The following CAPN15 variants were observed in gnomAD, a reference collection of about 807,000 sequenced individuals.
CAPN15 encodes calpain-15.
A neutral mutation model predicts 97.9 loss-of-function variants in CAPN15; 53 were observed. The ratio of observed to expected loss-of-function variants is 0.54; its 90% CI spans 0.43 to 0.68. The LOEUF (loss-of-function observed/expected upper bound fraction) is 0.68, where lower values mean the gene tolerates loss of function less well. CAPN15 is among the 30% of genes least tolerant of loss of function. The pLI, the probability that CAPN15 is intolerant of heterozygous loss-of-function variation, is 0.00. For synonymous variants in CAPN15, 922 were observed against 722.5 expected (o/e 1.28, Z -4.43); for missense variants, 1,592 against 1,589.8 (o/e 1.00, Z -0.02).
intron 3 of CAPN15, among the ~76,000 whole-genome samples, chr16:543,764 C>G (rs996419858): frequency 6.6e-6 from 1 of 152,206 alleles, no homozygotes; most frequent in Non-Finnish European, 1.5e-5. Flanking sequence ...CGACCCCTGC[C>G]GTGCTCCGAC....
intron 3 of CAPN15, among the ~76,000 whole-genome samples, chr16:545,758 C>T (rs539076103): frequency 1.2e-4 from 18 of 152,352 alleles, no homozygotes; most frequent in African/African-American, 3.6e-4. Context: ...CCTGCACCTG[C>T]GGTCAGCGGG....
chr16:533,911 A>G, intron 1 of CAPN15, 35 bp from the exon 2 acceptor site: 1 of 978,088 alleles, frequency 1.0e-6, no homozygotes, highest in Non-Finnish European at 1.2e-6. Flanking sequence ...TCCTGGTGGA[A>G]GCTGAGGTGC....
At chr16:542,567 CCTGT>C (rs1372434668) in intron 3 of CAPN15, among the ~76,000 whole-genome samples, 1 of 152,112 alleles carries the variant, frequency 6.6e-6, no homozygotes, top group African/African-American at 2.4e-5. Context: ...TCCACCCGTG[CCTGT>C]CTTTTTTTCA....
chr16:534,191 T>A (rs2033498343), intron 2 of CAPN15, among the ~76,000 whole-genome samples, 193 bp downstream of exon 2: 1 of 152,278 alleles, frequency 6.6e-6, no homozygotes, highest in Non-Finnish European at 1.5e-5. Flanking sequence ...GCCGTGGTCC[T>A]GTCGTGGGAG....
Position 547,412 on chromosome 16 carries a change from G to T in CAPN15, c.574G>T (p.Gly192Cys). 1 of 1,571,742 alleles carries T rather than the reference G, an allele frequency of 6.4e-7. No homozygotes were observed. The highest frequency in any genetic ancestry group is 8.6e-7 in the Non-Finnish European group (1 of 1,166,446). ...LVVPEVVAPA[G>C]FHVVPAAPPP... ...GGTCCCGGAAGTGGTGGCCCCGGCC[G>T]GCTTCCACGTCGTGCCTGCCGCGCC... The change falls in exon 4 of 14, where the codon GGC becomes TGC. Residue 192 changes from glycine (G) to cysteine (C), a missense_variant. Coordinates refer to ENST00000219611, the MANE Select transcript of CAPN15 (RefSeq NM_005632.3).
rs76104912 is a variant in CAPN15, at chr16:530,856, A to G, written c.-190+2827A>G. Among the ~76,000 whole-genome samples the G allele has an allele frequency of 2.6e-3, 394 of 152,332 alleles. 15 individuals carry two copies. The East Asian group carries it at 0.064, about 25-fold the overall frequency. On this transcript the variant is annotated intron_variant, in intron 1 of 13. Transcript: ENST00000219611. Reference sequence around the variant, plus strand: ...GGGCCTGCCTGAGTGCTGCATGGGAAGCCAGCAGTGTGGCCGCCCTCCCCA... The same window carrying G: ...GGGCCTGCCTGAGTGCTGCATGGGAGGCCAGCAGTGTGGCCGCCCTCCCCA...
At chr16:550,779 CCCGGTCGGTGAGGGTCCCGGTCGGTGAGG>C (rs2034961562) in intron 7 of CAPN15, among the ~76,000 whole-genome samples, 2 of 37,700 alleles carry the variant, frequency 5.3e-5, no homozygotes, top group African/African-American at 2.2e-4. Context: ...CGGTGAGGGT[CCCGGTCGGTGAGGGTCCCGGTCGGTGAGG>C]GCCCCGGTCG....
At chr16:540,335 G>A in intron 3 of CAPN15, 1 of 985,570 alleles carries the variant, frequency 1.0e-6, no homozygotes. Context: ...GCCCTGGTCA[G>A]CCGGCAGCAC....
intron 3 of CAPN15, chr16:538,323 T>G (rs2033873405): frequency 6.6e-6 from 1 of 152,084 alleles, no homozygotes; most frequent in Admixed American, 6.5e-5. Flanking sequence ...TTCCAACCAT[T>G]TAAAAATGTA....
At chr16:528,438 C>T (rs531598070) in intron 1 of CAPN15, among the ~76,000 whole-genome samples, 7 of 152,312 alleles carry the variant, frequency 4.6e-5, no homozygotes, top group Non-Finnish European at 1.0e-4. Flanking sequence ...GTGCTTGGTG[C>T]GGGCATCACT....
Position 554,493 on chromosome 16 carries a change from T to C in CAPN15, c.*977T>C. On this transcript the variant is annotated 3_prime_UTR_variant, in exon 14 of 14. Coordinates refer to ENST00000219611, the MANE Select transcript of CAPN15 (RefSeq NM_005632.3). ...CTCCCTGTACTCTGAGCTGTGAATA[T>C]TTTTAACCCTGTAAATACGGCCAGC... The C allele has an allele frequency of 2.2e-6, 1 of 455,536 alleles. No homozygotes were observed. The highest frequency in any genetic ancestry group is 2.3e-5 in the Admixed American group (1 of 42,580). 28.2% of individuals were successfully genotyped at this position (455,536 alleles called of 1,614,324 possible).
intron 3 of CAPN15, chr16:543,182 T>C (rs914314503): frequency 6.5e-6 from 1 of 154,064 alleles, no homozygotes; most frequent in Non-Finnish European, 1.5e-5. Context: ...CAGAAAAATG[T>C]AGAAAGGATT....
At chr16:542,509 C>T (rs966498200) in intron 3 of CAPN15, among the ~76,000 whole-genome samples, 2 of 152,144 alleles carry the variant, frequency 1.3e-5, no homozygotes, top group Non-Finnish European at 2.9e-5. Context: ...TGGCTTTGAT[C>T]TGCGTTTCCC....
intron 3 of CAPN15, among the ~76,000 whole-genome samples, chr16:541,438 G>A (rs1278121636): frequency 6.6e-6 from 1 of 152,186 alleles, no homozygotes; most frequent in Non-Finnish European, 1.5e-5. Flanking sequence ...AGAGAGACGC[G>A]GCAAAGGCAG....
At position 548,978 on chromosome 16, in the gene CAPN15, C is replaced by T. The variant is rs201379054; in HGVS notation, c.1450-15C>T. 2.1e-4 allele frequency: 331 copies of T among 1,612,024 alleles called. 3 individuals carry two copies. In the East Asian group the frequency reaches 7.2e-3, roughly 35 times the overall value. On this transcript the variant is annotated splice_polypyrimidine_tract_variant and intron_variant, in intron 4 of 13. Transcript: ENST00000219611. ...CACCCTGCCCAGCCTGAGCACATGG[C>T]CGTGGTCTCTGCAGAACAATGTGAG...
chr16:544,159 C>G (rs115363535), intron 3 of CAPN15, among the ~76,000 whole-genome samples: 7,723 of 152,248 alleles, frequency 0.051, 410 homozygotes, highest in African/African-American at 0.13. Context: ...GACCAGGAGA[C>G]TGCAGCCCAG....
intron 13 of CAPN15, 85 bp downstream of exon 13, chr16:553,126 C>A (rs2035229081): frequency 1.6e-6 from 1 of 620,248 alleles, no homozygotes. Context: ...CGTGCCCCCC[C>A]ACCCCTGCAC....
At position 551,345 on chromosome 16, in the gene CAPN15, G is replaced by A; in HGVS notation, c.2110G>A (p.Asp704Asn). Residue 704 changes from aspartate (D) to asparagine (N), a missense_variant, in exon 8 of 14, where the codon GAC becomes AAC. Physicochemically the swap from Asp to Asn is conservative, Grantham distance 23. This residue lies in a region of CAPN15 where 644 missense variants were observed against 699.6 expected (regional missense o/e 0.92). Transcript: ENST00000219611. ...ASCGGGNMKV[D>N]DSAYESLGLR... ...CTGTGGCGGGGGCAACATGAAGGTG[G>A]ACGATTCGGCCTACGAGAGCCTGGG... is the stretch of plus-strand genomic sequence containing the variant. 6.2e-7 allele frequency: 1 copy of A among 1,608,102 alleles called. No individual in the cohort carries two copies. The highest frequency in any genetic ancestry group is 8.5e-7 in the Non-Finnish European group (1 of 1,178,078).
In CAPN15 at chr16:551,533, G is replaced by T. The variant is rs141298471; in HGVS notation, c.2214G>T (p.Pro738=). ...QGTRLLRLRN[P]WGRFSWNGSW... is the part of the protein sequence containing the mutation. ...GCAGGCTTCTGCGGCTCCGAAACCC[G>T]TGGGGCCGTTTCTCCTGGAACGGCA... is the stretch of plus-strand genomic sequence containing the variant. Residue 738 remains proline, a synonymous_variant, in exon 9 of 14, where the codon CCG becomes CCT. Coordinates refer to ENST00000219611, the MANE Select transcript of CAPN15 (RefSeq NM_005632.3). 6.2e-7 allele frequency: 1 copy of T among 1,610,972 alleles called. No homozygotes were observed. The highest frequency in any genetic ancestry group is 8.5e-7 in the Non-Finnish European group (1 of 1,178,618).
Sources: gnomAD v4.1 joint callset for allele counts (sites outside exome capture counted in the v4.1 genomes callset) on GRCh38, gnomAD v4.1.1 for gene constraint, gnomAD v4.1.1 regional missense constraint, MANE v1.5 for transcripts, NCBI Gene and HGNC (gene_info 2026-07-23, HGNC 2026-07-21) for gene names.